CCDC33: variants seen among roughly 807,000 people sequenced by gnomAD.
CCDC33 encodes the protein coiled-coil domain-containing protein 33.
Under a neutral mutation model 91.9 loss-of-function variants are expected in CCDC33, and 94 were observed. The ratio of observed to expected loss-of-function variants is 1.02; its 90% CI spans 0.87 to 1.21. The LOEUF (loss-of-function observed/expected upper bound fraction) is 1.21. Ranked by LOEUF, CCDC33 falls within the 50% of genes most tolerant of loss-of-function variation. The pLI is 0.00. For missense variants in CCDC33, 940 were observed against 935.5 expected, an observed-to-expected ratio of 1.00 and a Z score of -0.06; for synonymous variants, 396 against 374.5, an observed-to-expected ratio of 1.06 and a Z score of -0.66.
At chr15:74,212,821 C>G (rs769048813), upstream of CCDC33, 2 of 152,108 alleles carry the variant, frequency 1.3e-5, no homozygotes, top group African/African-American at 2.4e-5. Context: ...CTCCTCAAGG[C>G]GGGTTATAGA....
chr15:74,308,955 C>G (rs1256327003), intron 11 of CCDC33, among the ~76,000 whole-genome samples: 1 of 152,038 alleles, frequency 6.6e-6, no homozygotes, highest in East Asian at 1.9e-4. Context: ...GAAGACCTCA[C>G]CCTCCTGCCT....
At position 74,284,591 on chromosome 15, in the gene CCDC33, A is replaced by G. The variant is rs150932802; in HGVS notation, c.1095+2742A>G. Among the ~76,000 whole-genome samples the G allele has an allele frequency of 5.2e-3, 786 of 152,108 alleles. 6 individuals carry two copies. Among genetic ancestry groups the G allele is most frequent in the Middle Eastern group, 0.02 (6 of 294 alleles). ...ATATTACACTGAAGAAGAAGAAGAA[A>G]AAAAAACAATCAGGCCCTGTCTTTC... On this transcript the variant is annotated intron_variant, in intron 10 of 18. Coordinates refer to ENST00000398814, the MANE Select transcript of CCDC33 (RefSeq NM_025055.5).
upstream of CCDC33, chr15:74,213,638 G>A (rs1452095290): frequency 1.3e-5 from 2 of 152,286 alleles, no homozygotes; most frequent in African/African-American, 4.8e-5. Flanking sequence ...GCCCCTCCGT[G>A]TTCGGGGTTC....
intron 5 of CCDC33, 33 bp from the exon 6 acceptor site, chr15:74,271,670 G>A: frequency 6.4e-7 from 1 of 1,559,342 alleles, no homozygotes; most frequent in Non-Finnish European, 8.8e-7. Context: ...AGGCCACATG[G>A]TGTTCACCTG....
intron 11 of CCDC33, among the ~76,000 whole-genome samples, chr15:74,323,158 C>T (rs1405887121): frequency 6.6e-6 from 1 of 152,078 alleles, no homozygotes; most frequent in African/African-American, 2.4e-5. Context: ...CTCACTGTCC[C>T]CTCAGACCTT....
intron 2 of CCDC33, among the ~76,000 whole-genome samples, chr15:74,256,076 G>T (rs2075851983): frequency 6.6e-6 from 1 of 152,250 alleles, no homozygotes; most frequent in Admixed American, 6.5e-5. Flanking sequence ...CCCTGCCCTT[G>T]AGGGGTGAAC....
chr15:74,328,752 G>A (rs1398131537), intron 11 of CCDC33, among the ~76,000 whole-genome samples: 1 of 152,218 alleles, frequency 6.6e-6, no homozygotes, highest in African/African-American at 2.4e-5. Context: ...CCATGCAGCA[G>A]GTGGGAGGCA....
chr15:74,315,629 A>G (rs2060074700), intron 11 of CCDC33, among the ~76,000 whole-genome samples: 1 of 152,240 alleles, frequency 6.6e-6, no homozygotes, highest in African/African-American at 2.4e-5. Context: ...AAGGAAGCCA[A>G]GAAGAGTAGG....
At chr15:74,284,722 C>T (rs925135637) in intron 10 of CCDC33, among the ~76,000 whole-genome samples, 6 of 152,204 alleles carry the variant, frequency 3.9e-5, no homozygotes, top group Admixed American at 6.5e-5. Flanking sequence ...TGACATGATA[C>T]GGAGTCCTTG....
At chr15:74,247,011 A>G (rs351151) in intron 2 of CCDC33, among the ~76,000 whole-genome samples, 150,501 of 152,110 alleles carry the variant, frequency 0.99, 74,486 homozygotes, top group East Asian at 1. Flanking sequence ...CGAGCGTGGT[A>G]GCAGGCACCT....
chr15:74,275,279 T>C (rs2076421910), intron 7 of CCDC33, among the ~76,000 whole-genome samples: 1 of 152,322 alleles, frequency 6.6e-6, no homozygotes, highest in South Asian at 2.1e-4. Context: ...TCCAGACTCA[T>C]TGATTCCAAT....
chr15:74,266,183 G>T (rs988517665), intron 3 of CCDC33, among the ~76,000 whole-genome samples: 13 of 152,166 alleles, frequency 8.5e-5, no homozygotes, highest in African/African-American at 3.1e-4. Context: ...ATTTCCTTGA[G>T]CAGATCACTT....
chr15:74,205,754 C>G (rs1463999579), intron 1 of CCDC33, among the ~76,000 whole-genome samples: 1 of 152,234 alleles, frequency 6.6e-6, no homozygotes, highest in Non-Finnish European at 1.5e-5. Flanking sequence ...TCCCCACCCC[C>G]CACGGAGAGC....
Position 74,236,819 on chromosome 15 carries a change from T to C in CCDC33, c.21+79T>C. The C allele has an allele frequency of 7.1e-6, 10 of 1,414,052 alleles. No homozygotes were observed. In the South Asian group the frequency reaches 1.2e-4, roughly 17 times the overall value. 87.6% of individuals were successfully genotyped at this position (1,414,052 alleles called of 1,614,324 possible). A position where few individuals can be genotyped will look rare whatever the true frequency, so the allele number is the denominator to read the frequency against. ...GTCCTTCCTTCAAAGTTTTGTTTGC[T>C]CCTTAATCATGACAAAAGCTTCCCT... On this transcript the variant is annotated intron_variant, in intron 1 of 18. Transcript: ENST00000398814.
chr15:74,305,159 C>G (rs1160755119), intron 11 of CCDC33, among the ~76,000 whole-genome samples: 2 of 152,146 alleles, frequency 1.3e-5, no homozygotes, highest in African/African-American at 4.8e-5. Flanking sequence ...GTTGGTGAGG[C>G]TGGTCTCAAA....
chr15:74,315,911 T>C (rs1596103550), intron 11 of CCDC33, among the ~76,000 whole-genome samples: 2 of 152,022 alleles, frequency 1.3e-5, no homozygotes, highest in East Asian at 3.9e-4. Flanking sequence ...GAAGGAAGTG[T>C]GAATAAAGCC....
At chr15:74,292,331 G>A (rs866853976) in intron 10 of CCDC33, among the ~76,000 whole-genome samples, 5 of 152,168 alleles carry the variant, frequency 3.3e-5, no homozygotes, top group Middle Eastern at 3.2e-3. Flanking sequence ...GAGCAGCCTG[G>A]CCCTCTCTAT....
At position 74,336,042 on chromosome 15, in the gene CCDC33, C is replaced by A; in HGVS notation, c.2257C>A (p.Gln753Lys). ...LSPQKETANS[Q>K]QT ...CCCCCAGAAGGAGACCGCTAACTCTCAGCAGACCTGAGCCCCAGAGCAGGC... is the reference window on the plus strand; with the variant it reads ...CCCCCAGAAGGAGACCGCTAACTCTAAGCAGACCTGAGCCCCAGAGCAGGC... The change falls in exon 19 of 19, where the codon CAG (glutamine) becomes AAG (lysine). Residue 753 changes from glutamine to lysine, a missense_variant. By Grantham distance (53) the Gln-to-Lys change is moderately conservative. Coordinates refer to ENST00000398814, the MANE Select transcript of CCDC33 (RefSeq NM_025055.5). The A allele has an allele frequency of 5.0e-6, 8 of 1,613,864 alleles. No homozygotes were observed. Among genetic ancestry groups the A allele is most frequent in the South Asian group, 1.1e-5 (1 of 91,068 alleles).
intron 16 of CCDC33, chr15:74,333,140 C>T (rs1212317635): frequency 1.2e-5 from 14 of 1,172,010 alleles, no homozygotes; most frequent in African/African-American, 6.1e-5. Context: ...TCCACCTGGA[C>T]CCTACACAGG....
Sources: gnomAD v4.1 joint callset for allele counts (sites outside exome capture counted in the v4.1 genomes callset) on GRCh38, gnomAD v4.1.1 for gene constraint, MANE v1.5 for transcripts, NCBI Gene and HGNC (gene_info 2026-07-23, HGNC 2026-07-21) for gene names.